The following PLA2G4E variants were observed in gnomAD, a reference collection of about 807,000 sequenced individuals.
PLA2G4E encodes cytosolic phospholipase A2 epsilon.
Under a neutral mutation model 109.1 loss-of-function variants are expected in PLA2G4E, and 84 were observed. The ratio of observed to expected loss-of-function variants is 0.77; its 90% confidence interval spans 0.65 to 0.92. The LOEUF (loss-of-function observed/expected upper bound fraction) is 0.92. Among genes scored for constraint, PLA2G4E ranks in the 40% least tolerant of loss-of-function variants. The pLI is 0.00. For missense variants in PLA2G4E, 1,057 were observed against 1,076.6 expected, an observed-to-expected ratio of 0.98 and a Z score of 0.25; for synonymous variants, 469 against 436.1, an observed-to-expected ratio of 1.08 and a Z score of -0.94.
Position 41,999,571 on chromosome 15 carries a change from G to C in PLA2G4E, c.937-10C>G. 1 of 1,611,812 alleles carries C rather than the reference G, an allele frequency of 6.2e-7. No individual in the cohort carries two copies. The highest frequency in any genetic ancestry group is 1.1e-5 in the South Asian group (1 of 90,372). On this transcript the variant is annotated splice_polypyrimidine_tract_variant and intron_variant, in intron 9 of 19. Transcript: ENST00000399518. ...ATTCATAACTCTCACCCTGGGGAGG[G>C]AAAGATGAAAAGCTTGTCAGAGGTG...
chr15:41,986,702 T>A (rs1424458630), intron 17 of PLA2G4E, among the ~76,000 whole-genome samples: 2 of 152,012 alleles, frequency 1.3e-5, no homozygotes, highest in Admixed American at 6.6e-5. Context: ...AATTTTTTTT[T>A]AAGAGATGGG....
intron 1 of PLA2G4E, among the ~76,000 whole-genome samples, chr15:42,016,549 C>T (rs2068597445): frequency 1.3e-5 from 2 of 152,012 alleles, no homozygotes; most frequent in African/African-American, 2.4e-5. Flanking sequence ...GTTGGCCAGG[C>T]TGGTCTCAAA....
chr15:42,025,109 T>C (rs2068681940), intron 1 of PLA2G4E, among the ~76,000 whole-genome samples: 2 of 148,842 alleles, frequency 1.3e-5, no homozygotes, highest in African/African-American at 5.0e-5. Context: ...GGCAGGAGAA[T>C]GGCATGAATC....
exon 20 of PLA2G4E, chr15:41,982,239 C>T (rs2068077004): frequency 6.6e-6 from 1 of 152,274 alleles, no homozygotes; most frequent in Admixed American, 6.5e-5. Flanking sequence ...TGTCTTCCTG[C>T]CTTTCTGCTT....
At chr15:42,003,782 C>A (rs554534711) in intron 5 of PLA2G4E, among the ~76,000 whole-genome samples, 1 of 152,278 alleles carries the variant, frequency 6.6e-6, no homozygotes, top group Admixed American at 6.5e-5. Flanking sequence ...GGGCTCAGCC[C>A]TGCCAGGTGA....
chr15:41,994,452 G>T (rs182402059), intron 12 of PLA2G4E, among the ~76,000 whole-genome samples: 2 of 152,232 alleles, frequency 1.3e-5, no homozygotes, highest in Non-Finnish European at 2.9e-5. Context: ...GACAGGACAC[G>T]GCCCTGCTTG....
chr15:41,984,082 A>C, intron 19 of PLA2G4E, 108 bp from the exon 20 acceptor site: 1 of 987,878 alleles, frequency 1.0e-6, no homozygotes, highest in South Asian at 1.5e-5. Context: ...GGACACACAC[A>C]CCTGCATGAA....
intron 1 of PLA2G4E, among the ~76,000 whole-genome samples, chr15:42,042,335 G>C (rs1178690098): frequency 6.6e-6 from 1 of 152,064 alleles, no homozygotes; most frequent in Non-Finnish European, 1.5e-5. Context: ...AGTATATTAA[G>C]GGTTCAGGAA....
chr15:42,013,793 G>A, intron 1 of PLA2G4E, 36 bp from the exon 2 acceptor site: 2 of 1,514,098 alleles, frequency 1.3e-6, no homozygotes, highest in East Asian at 2.5e-5. Flanking sequence ...CAGTCTTCAA[G>A]CATTACTCCA....
At chr15:42,028,710 A>T (rs1833577767) in intron 1 of PLA2G4E, among the ~76,000 whole-genome samples, 2 of 152,158 alleles carry the variant, frequency 1.3e-5, no homozygotes, top group South Asian at 4.2e-4. Flanking sequence ...CCCAGCCTGT[A>T]CTCTCTTTTT....
chr15:42,040,248 G>C (rs1279652262), intron 1 of PLA2G4E, among the ~76,000 whole-genome samples: 2 of 152,072 alleles, frequency 1.3e-5, no homozygotes. Flanking sequence ...TTAAGGCCTA[G>C]AGCATCCAGA....
At chr15:42,017,978 AAC>A (rs756582161) in intron 1 of PLA2G4E, among the ~76,000 whole-genome samples, 4 of 152,180 alleles carry the variant, frequency 2.6e-5, no homozygotes, top group Non-Finnish European at 5.9e-5. Context: ...TTCAGGAGAC[AAC>A]CACATTTTGC....
chr15:41,989,325 C>A lies in PLA2G4E; in HGVS notation c.1723+90G>T, dbSNP rs578087079. Reference sequence around the variant, plus strand: ...TAGGATGAGACAATGCTGGCAAGTGCCCCGAGTGTCACATAATCAGGGGCC... The same window carrying A: ...TAGGATGAGACAATGCTGGCAAGTGACCCGAGTGTCACATAATCAGGGGCC... On this transcript the variant is annotated intron_variant, in intron 15 of 19. Coordinates refer to ENST00000399518, the Ensembl canonical transcript of PLA2G4E. 3.6e-5 allele frequency: 56 copies of A among 1,534,674 alleles called. No individual in the cohort carries two copies. In the East Asian group the frequency reaches 1.2e-3, roughly 33 times the overall value.
intron 1 of PLA2G4E, among the ~76,000 whole-genome samples, chr15:42,016,353 G>A (rs1049889485): frequency 1.5e-5 from 2 of 136,192 alleles, no homozygotes; most frequent in African/African-American, 5.5e-5. Context: ...TTTTTTCTTT[G>A]GAGACGGAGC....
intron 19 of PLA2G4E, 117 bp downstream of exon 19, chr15:41,984,319 C>T (rs529076973): frequency 1.5e-5 from 18 of 1,177,274 alleles, no homozygotes; most frequent in Admixed American, 1.1e-4. Context: ...CCAAGGTTGG[C>T]TCAGGCTGGA....
At chr15:42,024,354 C>T (rs1438715844) in intron 1 of PLA2G4E, among the ~76,000 whole-genome samples, 3 of 152,320 alleles carry the variant, frequency 2.0e-5, no homozygotes, top group African/African-American at 7.2e-5. Flanking sequence ...CAGTTCCTTT[C>T]CACCCAGCAC....
chr15:42,025,553 T>C (rs941906888), intron 1 of PLA2G4E, among the ~76,000 whole-genome samples: 5 of 151,692 alleles, frequency 3.3e-5, no homozygotes, highest in African/African-American at 1.2e-4. Flanking sequence ...GGGAAAGGAA[T>C]GTGCTTATTA....
At chr15:41,990,127 A>C in exon 14 of PLA2G4E, 1 of 1,612,702 alleles carries the variant, frequency 6.2e-7, no homozygotes, top group Non-Finnish European at 8.5e-7. Context: ...TTACCTCTGA[A>C]GTCCTGGTTG....
chr15:42,014,237 T>G (rs745436681), intron 1 of PLA2G4E, among the ~76,000 whole-genome samples: 11 of 152,168 alleles, frequency 7.2e-5, no homozygotes, highest in Non-Finnish European at 1.3e-4. Flanking sequence ...TGTCTGCTCT[T>G]CAGCCTGGAA....
Sources: gnomAD v4.1 joint callset for allele counts (sites outside exome capture counted in the v4.1 genomes callset) on GRCh38, gnomAD v4.1.1 for gene constraint, MANE v1.5 for transcripts, NCBI Gene and HGNC (gene_info 2026-07-23, HGNC 2026-07-21) for gene names.